The following BCOR variants were observed in gnomAD, a reference collection of about 807,000 sequenced individuals.
BCOR encodes BCL-6 corepressor.
Under a neutral mutation model 86.7 loss-of-function variants are expected in BCOR, and 10 were observed. The ratio of observed to expected loss-of-function variants is 0.12; its 90% CI spans 0.07 to 0.20. The LOEUF (loss-of-function observed/expected upper bound fraction) is 0.20, where lower values mean the gene tolerates loss of function less well. BCOR is among the 10% of genes least tolerant of loss of function. The pLI is 1.00. For missense variants in BCOR, 1,259 were observed against 1,452.1 expected (o/e 0.87, Z 2.16); for synonymous variants, 611 against 609.0 (o/e 1.00, Z -0.05).
At chrX:40,083,967 G>A (rs12687549) in intron 1 of BCOR, among the ~76,000 whole-genome samples, 1 of 112,041 alleles carries the variant, frequency 8.9e-6, no homozygotes, top group Non-Finnish European at 1.9e-5. Context: ...TGGGCGCAGG[G>A]AGAATCCGAG....
chrX:40,159,051 T>C (rs1238273049), intron 1 of BCOR, among the ~76,000 whole-genome samples: 1 of 110,730 alleles, frequency 9.0e-6, no homozygotes, highest in African/African-American at 3.3e-5. Flanking sequence ...AAAAATAATC[T>C]TTATTTCTAA....
chrX:40,069,082 C>T (rs1423160754), intron 6 of BCOR, among the ~76,000 whole-genome samples: 4 of 112,551 alleles, frequency 3.6e-5, no homozygotes, highest in East Asian at 2.8e-4. Context: ...ACGTGATGGC[C>T]GAGATAGCTC....
At chrX:40,115,783 A>T (rs1937384807) in intron 1 of BCOR, among the ~76,000 whole-genome samples, 1 of 108,569 alleles carries the variant, frequency 9.2e-6, no homozygotes, top group African/African-American at 3.4e-5. Context: ...TCTCAAAAAA[A>T]AAAAAAAAAG....
chrX:40,073,042 C>T lies in BCOR; in HGVS notation c.2304G>A (p.Leu768=), dbSNP rs1326238936. ...GATGTAACTTGGTGCTGCTAGTTTC[C>T]AAAATCTCGGAAAACCGATTCCGGA... The part of the protein sequence containing the change: ...PTLRNRFSEI[L]ETSSTKLHPD... Residue 768 remains leucine, a synonymous_variant, in exon 4 of 15, where the codon TTG becomes TTA. Coordinates refer to ENST00000378444, the MANE Select transcript of BCOR (RefSeq NM_001123385.2). 1 of 1,210,583 alleles carries T rather than the reference C, an allele frequency of 8.3e-7. No homozygotes were observed. The highest frequency in any genetic ancestry group is 1.1e-6 in the Non-Finnish European group (1 of 895,333).
intron 1 of BCOR, among the ~76,000 whole-genome samples, chrX:40,090,151 C>G (rs1363846778): frequency 8.9e-6 from 1 of 112,885 alleles, no homozygotes; most frequent in African/African-American, 3.2e-5. Context: ...GGCAGGGGTA[C>G]CGGACACTCG....
intron 6 of BCOR, among the ~76,000 whole-genome samples, chrX:40,066,031 C>T (rs956563486): frequency 3.6e-5 from 4 of 110,936 alleles, no homozygotes; most frequent in Non-Finnish European, 7.6e-5. Flanking sequence ...CAAGGGTGTT[C>T]TAAGGGGGAA....
At chrX:40,091,223 A>T (rs1161135340) in intron 1 of BCOR, among the ~76,000 whole-genome samples, 1 of 112,230 alleles carries the variant, frequency 8.9e-6, no homozygotes, top group African/African-American at 3.2e-5. Flanking sequence ...ATGCAAATCA[A>T]TATGGCAATT....
intron 1 of BCOR, among the ~76,000 whole-genome samples, chrX:40,175,188 C>T (rs773025977): frequency 8.9e-6 from 1 of 112,986 alleles, no homozygotes; most frequent in Non-Finnish European, 1.9e-5. Context: ...GGCTCTCCTC[C>T]GAGGGGCTCA....
intron 1 of BCOR, among the ~76,000 whole-genome samples, chrX:40,151,828 G>T (rs1938173893): frequency 8.9e-6 from 1 of 112,483 alleles, no homozygotes; most frequent in African/African-American, 3.2e-5. Context: ...AGGCGGGGGC[G>T]CGGGGCCTCG....
chrX:40,071,389 T>C (rs1935471276), intron 5 of BCOR, among the ~76,000 whole-genome samples: 1 of 112,268 alleles, frequency 8.9e-6, no homozygotes, highest in Admixed American at 9.5e-5. Context: ...TATAGATATA[T>C]ATGCGATGTG....
intron 1 of BCOR, among the ~76,000 whole-genome samples, chrX:40,115,723 G>A (rs1299940887): frequency 9.4e-6 from 1 of 106,453 alleles, no homozygotes; most frequent in Non-Finnish European, 1.9e-5. Context: ...ACTCTAGTGA[G>A]CCGAGATCGC....
intron 4 of BCOR, chrX:40,072,133 C>T: frequency 9.0e-6 from 4 of 443,028 alleles, no homozygotes; most frequent in Non-Finnish European, 1.6e-5. Context: ...GAGTGGAGTT[C>T]CCTTATAATC....
chrX:40,134,487 G>C (rs1937642297), intron 1 of BCOR, among the ~76,000 whole-genome samples: 1 of 110,834 alleles, frequency 9.0e-6, no homozygotes, highest in South Asian at 3.9e-4. Flanking sequence ...GCTGGGTGTA[G>C]TGGCGCACAC....
At chrX:40,109,600 C>T (rs1182587972) in intron 1 of BCOR, among the ~76,000 whole-genome samples, 1 of 111,034 alleles carries the variant, frequency 9.0e-6, no homozygotes, top group Non-Finnish European at 1.9e-5. Context: ...TGCCACCCTC[C>T]GGGGCCCGGA....
chrX:40,176,283 C>G (rs1415651399), intron 1 of BCOR, among the ~76,000 whole-genome samples: 1 of 112,375 alleles, frequency 8.9e-6, no homozygotes, highest in Non-Finnish European at 1.9e-5. Context: ...GAAAGGGAGG[C>G]TGTTTGTGTG....
In BCOR at chrX:40,057,052, T is replaced by C. The variant is rs536249514; in HGVS notation, c.4595+103A>G. 27 of 946,924 alleles carry C rather than the reference T, an allele frequency of 2.9e-5. No homozygotes were observed. In the African/African-American group the frequency reaches 5.2e-4, roughly 18 times the overall value. 78.0% of individuals were successfully genotyped at this position (946,924 alleles called of 1,213,427 possible). ...TCAGTGTGCTTACAGTCACCCTCTG[T>C]CTTTCCTCCTGGAATTTCCCGTATA... On this transcript the variant is annotated intron_variant, in intron 11 of 14. Transcript: ENST00000378444.
intron 1 of BCOR, among the ~76,000 whole-genome samples, chrX:40,157,639 G>T (rs927653733): frequency 4.5e-5 from 5 of 112,164 alleles, no homozygotes; most frequent in African/African-American, 1.6e-4. Context: ...ATGGGGAACC[G>T]TTTCTGGGTA....
intron 1 of BCOR, among the ~76,000 whole-genome samples, chrX:40,118,137 G>C (rs189828764): frequency 9.1e-6 from 1 of 109,703 alleles, no homozygotes; most frequent in Non-Finnish European, 1.9e-5. Context: ...GACTTTAAGG[G>C]TAGCACTGAG....
intron 1 of BCOR, among the ~76,000 whole-genome samples, chrX:40,105,506 C>T (rs911435225): frequency 8.9e-6 from 1 of 112,005 alleles, no homozygotes; most frequent in Non-Finnish European, 1.9e-5. Context: ...CCGAGAGGAC[C>T]CTTCCTGCGG....
Sources: allele counts gnomAD v4.1 joint callset (sites outside exome capture counted in the v4.1 genomes callset), GRCh38; gene constraint gnomAD v4.1.1; transcripts MANE v1.5; gene names NCBI Gene and HGNC (gene_info 2026-07-23, HGNC 2026-07-21).